GNG4: variants seen among roughly 807,000 people sequenced by gnomAD.
The protein encoded by GNG4 is guanine nucleotide-binding protein G(I)/G(S)/G(O) subunit gamma-4.
A neutral mutation model predicts 5.8 loss-of-function variants in GNG4; 4 were observed. The observed-to-expected ratio is 0.69, with a 90% CI of 0.34 to 1.57. The LOEUF (loss-of-function observed/expected upper bound fraction) is 1.57. GNG4 is among the 40% of genes most tolerant of loss of function. The pLI is 0.06. For missense variants in GNG4, 96 were observed against 95.1 expected, an observed-to-expected ratio of 1.01 and a Z score of -0.04; for synonymous variants, 29 against 32.9, an observed-to-expected ratio of 0.88 and a Z score of 0.41.
intron 2 of GNG4, among the ~76,000 whole-genome samples, chr1:235,593,489 C>T (rs969697123): frequency 6.6e-6 from 1 of 152,196 alleles, no homozygotes; most frequent in Non-Finnish European, 1.5e-5. Context: ...ATACTACAGC[C>T]GGCCTTCCGG....
At chr1:235,608,128 C>T (rs1017436448) in intron 1 of GNG4, among the ~76,000 whole-genome samples, 1 of 151,748 alleles carries the variant, frequency 6.6e-6, no homozygotes, top group Non-Finnish European at 1.5e-5. Flanking sequence ...AGTAAAGACA[C>T]GGTTTGACCT....
chr1:235,596,209 T>TACACACACACAC (rs59527448), intron 1 of GNG4, among the ~76,000 whole-genome samples: 1,398 of 133,536 alleles, frequency 0.01, 13 homozygotes, highest in African/African-American at 0.025. Context: ...ACAAACAAAA[T>TACACACACACAC]ACACACACAC....
At position 235,593,971 on chromosome 1, in the gene GNG4, T is replaced by C. The variant is rs561776498; in HGVS notation, c.-11+1429A>G. Among the ~76,000 whole-genome samples the C allele has an allele frequency of 2.0e-5, 3 of 152,308 alleles. No individual in the cohort carries two copies. The East Asian group carries it at 5.8e-4, about 29-fold the overall frequency. On this transcript the variant is annotated intron_variant, in intron 2 of 3. Coordinates refer to ENST00000391854, the MANE Select transcript of GNG4 (RefSeq NM_001098722.2). ...TGGCGCGGGCAGCCTGCTTTTATTC[T>C]CTAATCTGGCCCCACCTACATCCTG... is the stretch of plus-strand genomic sequence containing the variant.
In GNG4 at chr1:235,610,566, T is replaced by C. The variant is rs112275101; in HGVS notation, c.-122-15055A>G. On this transcript the variant is annotated intron_variant, in intron 1 of 3. Coordinates refer to ENST00000391854, the MANE Select transcript of GNG4 (RefSeq NM_001098722.2). ...GTAGGCTACAATTCATTACTATCAGTATTTATTTTGATGTATAAATTGTCC... is the reference window on the plus strand; with the variant it reads ...GTAGGCTACAATTCATTACTATCAGCATTTATTTTGATGTATAAATTGTCC... 1.4e-4 allele frequency among the ~76,000 whole-genome samples: 22 copies of C among 152,344 alleles called. 1 individual carries two copies. The highest frequency in any genetic ancestry group is 5.3e-4 in the African/African-American group (22 of 41,580).
intron 2 of GNG4, among the ~76,000 whole-genome samples, chr1:235,589,296 A>G (rs1687903043): frequency 6.6e-6 from 1 of 152,174 alleles, no homozygotes; most frequent in South Asian, 2.1e-4. Context: ...GCCAGGGCAC[A>G]GCACAGTTCA....
intron 1 of GNG4, among the ~76,000 whole-genome samples, chr1:235,628,480 T>C (rs1276192883): frequency 6.6e-6 from 1 of 151,824 alleles, no homozygotes; most frequent in Non-Finnish European, 1.5e-5. Flanking sequence ...GAGGAGGTCA[T>C]GGGCAGTCTT....
At chr1:235,598,272 C>G (rs548147465) in intron 1 of GNG4, among the ~76,000 whole-genome samples, 4 of 152,326 alleles carry the variant, frequency 2.6e-5, no homozygotes, top group African/African-American at 9.6e-5. Flanking sequence ...ACCAGAGCTT[C>G]TCAGACTTTG....
At chr1:235,591,366 G>A (rs991769489) in intron 2 of GNG4, among the ~76,000 whole-genome samples, 10 of 152,130 alleles carry the variant, frequency 6.6e-5, no homozygotes, top group African/African-American at 2.4e-4. Context: ...CCCCTTCCCT[G>A]AGGTGGGCAA....
chr1:235,562,686 G>GAAAAAAAAAA (rs1687099445), intron 3 of GNG4, among the ~76,000 whole-genome samples: 5 of 125,986 alleles, frequency 4.0e-5, no homozygotes, highest in African/African-American at 8.8e-5. Context: ...AAAAAAAAAA[G>GAAAAAAAAAA]AAGAAAATTT....
rs1192772044 is a variant in GNG4, at chr1:235,649,324, CA to C, written c.-123+337del. Among the ~76,000 whole-genome samples the C allele has an allele frequency of 6.6e-6, 1 of 152,184 alleles. No homozygotes were observed. Among genetic ancestry groups the C allele is most frequent in the Non-Finnish European group, 1.5e-5 (1 of 68,014 alleles). ...AAAACAGCAAACGCTCTGTGACCTA[CA>C]AATGGAAGAGGGGACCCCCGAGCCC... On this transcript the variant is annotated intron_variant, in intron 1 of 3. Coordinates refer to ENST00000391854, the MANE Select transcript of GNG4 (RefSeq NM_001098722.2). The surrounding 1 kb of genome is among the most constrained non-coding windows in gnomAD (Gnocchi z 5.7).
intron 2 of GNG4, among the ~76,000 whole-genome samples, chr1:235,584,865 T>C (rs892217774): frequency 6.6e-6 from 1 of 152,258 alleles, no homozygotes; most frequent in East Asian, 1.9e-4. Context: ...CTTCTGTTTA[T>C]ATTTTATTTC....
chr1:235,573,604 C>T (rs1379319026), intron 3 of GNG4, among the ~76,000 whole-genome samples: 5 of 151,948 alleles, frequency 3.3e-5, no homozygotes, highest in Admixed American at 1.3e-4. Context: ...AGTGAAACCC[C>T]GTCTCTACTA....
intron 1 of GNG4, among the ~76,000 whole-genome samples, chr1:235,597,072 C>T (rs1241790813): frequency 6.6e-6 from 1 of 152,056 alleles, no homozygotes; most frequent in African/African-American, 2.4e-5. Flanking sequence ...AGACTCATAG[C>T]CCTGTTCGCC....
intron 1 of GNG4, among the ~76,000 whole-genome samples, chr1:235,637,228 A>G (rs1210229143): frequency 6.6e-6 from 1 of 152,200 alleles, no homozygotes; most frequent in Non-Finnish European, 1.5e-5. Context: ...GAGCAGACAT[A>G]TCGGGAGTAG....
In GNG4 at chr1:235,649,782, T is replaced by G. The variant is rs1473484807; in HGVS notation, c.-243A>C. On this transcript the variant is annotated 5_prime_UTR_variant, in exon 1 of 4. Transcript: ENST00000391854. The surrounding 1 kb of genome is among the most constrained non-coding windows in gnomAD (Gnocchi z 5.7). ...GGCTCGGGTGCAAACGCGCGCCTCG[T>G]GCCCCTCCCGCCGCCCGCGGGGTCT... 1 of 149,832 alleles carries G rather than the reference T, an allele frequency of 6.7e-6. No individual in the cohort carries two copies. The highest frequency in any genetic ancestry group is 1.5e-5 in the Non-Finnish European group (1 of 67,284). The allele number at this position is 149,832 out of a possible 1,614,324, so 9.3% of individuals were successfully genotyped here.
chr1:235,578,231 T>A (rs1314145042), intron 3 of GNG4, among the ~76,000 whole-genome samples: 2 of 151,980 alleles, frequency 1.3e-5, no homozygotes, highest in Non-Finnish European at 2.9e-5. Context: ...CAGCAAGATA[T>A]CACATCAAAC....
In GNG4 at chr1:235,628,847, G is replaced by A. The variant is rs78949274; in HGVS notation, c.-123+20815C>T. Among the ~76,000 whole-genome samples, 125 of 152,230 alleles carry A rather than the reference G, an allele frequency of 8.2e-4. 1 individual carries two copies. The highest frequency in any genetic ancestry group is 2.8e-3 in the African/African-American group (117 of 41,542). ...CTTTCTCTGTATGGCTTCTCTCAGG[G>A]TTTGCCATTCCCTTCACTTTTGCAT... On this transcript the variant is annotated intron_variant, in intron 1 of 3. Transcript: ENST00000391854.
chr1:235,626,958 C>CAAAAA lies in GNG4; in HGVS notation c.-123+22699_-123+22703dup, dbSNP rs776506587. Among the ~76,000 whole-genome samples the CAAAAA allele has an allele frequency of 8.1e-4, 63 of 77,366 alleles. 2 individuals carry two copies. The highest frequency in any genetic ancestry group is 1.1e-3 in the Non-Finnish European group (46 of 40,332). 50.8% of individuals were successfully genotyped at this position (77,366 alleles called of 152,430 possible). A position where few individuals can be genotyped will look rare whatever the true frequency, so the allele number is the denominator to read the frequency against. On this transcript the variant is annotated intron_variant, in intron 1 of 3. Coordinates refer to ENST00000391854, the MANE Select transcript of GNG4 (RefSeq NM_001098722.2). ...TGGGTGACAGAGTGAGACTCTATCT[C>CAAAAA]AAAAAAAAAAAAAAAAAAAAAAAAA...
At chr1:235,605,810 G>T (rs1015427004) in intron 1 of GNG4, among the ~76,000 whole-genome samples, 3 of 152,136 alleles carry the variant, frequency 2.0e-5, no homozygotes, top group African/African-American at 7.2e-5. Flanking sequence ...AGCCCAGGAG[G>T]TCAGGGAGCA....
Sources: allele counts gnomAD v4.1 joint callset (sites outside exome capture counted in the v4.1 genomes callset), GRCh38; gene constraint gnomAD v4.1.1; non-coding constraint Gnocchi (gnomAD v3.1); transcripts MANE v1.5; gene names NCBI Gene and HGNC (gene_info 2026-07-23, HGNC 2026-07-21).